Variants in DLG2 observed in about 807,000 individuals in gnomAD.
The protein encoded by DLG2 is disks large homolog 2.
DLG2 carries 45 observed loss-of-function variants against 132.5 expected under a neutral mutation model. The observed-to-expected ratio is 0.34, with a 90% confidence interval of 0.27 to 0.44. DLG2 has a LOEUF of 0.44. DLG2 is among the 20% of genes least tolerant of loss of function. The pLI is 1.00. For missense variants in DLG2, 1,045 were observed against 1,196.9 expected, an observed-to-expected ratio of 0.87 and a Z score of 1.87; for synonymous variants, 424 against 419.6, an observed-to-expected ratio of 1.01 and a Z score of -0.13.
intron 6 of DLG2, among the ~76,000 whole-genome samples, chr11:85,011,657 A>C (rs1006519734): frequency 8.5e-5 from 13 of 152,186 alleles, no homozygotes; most frequent in African/African-American, 2.9e-4. Context: ...AATTATTCTT[A>C]ATGATTTCCT....
chr11:83,503,705 C>T (rs2094563622), intron 21 of DLG2, among the ~76,000 whole-genome samples: 1 of 151,878 alleles, frequency 6.6e-6, no homozygotes, highest in Non-Finnish European at 1.5e-5. Context: ...TTAGATGGTA[C>T]CCACACAGAT....
At chr11:83,486,428 A>G (rs1211301563) in intron 21 of DLG2, among the ~76,000 whole-genome samples, 1 of 152,114 alleles carries the variant, frequency 6.6e-6, no homozygotes, top group African/African-American at 2.4e-5. Flanking sequence ...GAAAATGTAG[A>G]CAGAGAGGGA....
chr11:84,908,465 AG>A (rs1324294617), intron 6 of DLG2, among the ~76,000 whole-genome samples: 1 of 152,146 alleles, frequency 6.6e-6, no homozygotes, highest in Non-Finnish European at 1.5e-5. Context: ...TGTCTTCAGA[AG>A]CTGCTGGATA....
intron 6 of DLG2, among the ~76,000 whole-genome samples, chr11:85,016,953 G>T (rs1385608118): frequency 2.0e-5 from 3 of 152,086 alleles, no homozygotes; most frequent in African/African-American, 7.2e-5. Context: ...CAAACCTGTT[G>T]GTCAAATCTG....
At chr11:83,520,858 G>A (rs2095462048) in intron 21 of DLG2, among the ~76,000 whole-genome samples, 1 of 152,126 alleles carries the variant, frequency 6.6e-6, no homozygotes, top group Non-Finnish European at 1.5e-5. Context: ...CCTCTTACAT[G>A]TCCCACTTTA....
intron 6 of DLG2, among the ~76,000 whole-genome samples, chr11:84,880,057 ATACTAT>A (rs1203657378): frequency 1.3e-5 from 2 of 152,174 alleles, no homozygotes; most frequent in Admixed American, 6.6e-5. Context: ...CACAAGAATC[ATACTAT>A]TAATATGAAT....
chr11:85,102,131 T>G (rs564530511), intron 6 of DLG2, among the ~76,000 whole-genome samples: 21 of 151,994 alleles, frequency 1.4e-4, no homozygotes, highest in Non-Finnish European at 2.5e-4. Context: ...AAATTCATCA[T>G]TTTTACAGCT....
At chr11:84,157,711 A>G (rs1027236314) in intron 9 of DLG2, among the ~76,000 whole-genome samples, 1 of 152,234 alleles carries the variant, frequency 6.6e-6, no homozygotes, top group Non-Finnish European at 1.5e-5. Flanking sequence ...ACTTATCGTC[A>G]TAGTTTTTGT....
intron 25 of DLG2, among the ~76,000 whole-genome samples, chr11:83,468,591 C>G (rs1451444750): frequency 6.6e-6 from 1 of 152,134 alleles, no homozygotes; most frequent in Non-Finnish European, 1.5e-5. Context: ...ATATCTTCTC[C>G]TATGATACTG....
chr11:84,038,498 A>T (rs969731383), intron 11 of DLG2, among the ~76,000 whole-genome samples: 42 of 152,176 alleles, frequency 2.8e-4, no homozygotes, highest in Admixed American at 2.8e-3. Flanking sequence ...GTGTTTTTTT[A>T]AAAAAGTATT....
chr11:83,639,575 G>C (rs959288972), intron 18 of DLG2, among the ~76,000 whole-genome samples: 2 of 150,864 alleles, frequency 1.3e-5, no homozygotes, highest in East Asian at 3.9e-4. Flanking sequence ...CATGGACAGA[G>C]GAAGGGGAAC....
chr11:84,468,317 G>A lies in DLG2; in HGVS notation c.519+66253C>T, dbSNP rs117641810. Among the ~76,000 whole-genome samples, 213 of 151,500 alleles carry A rather than the reference G, an allele frequency of 1.4e-3. 3 individuals carry two copies. In the East Asian group the frequency reaches 0.04, roughly 29 times the overall value. Reference sequence around the variant, plus strand: ...CCCTTGACTTCCATGTGTGTTAATTGGATCTTGTTGGCTAGTTCTGAATTT... The same window carrying A: ...CCCTTGACTTCCATGTGTGTTAATTAGATCTTGTTGGCTAGTTCTGAATTT... On this transcript the variant is annotated intron_variant, in intron 7 of 27. Transcript: ENST00000376104.
At chr11:85,136,704 C>T (rs2076164339) in intron 5 of DLG2, among the ~76,000 whole-genome samples, 1 of 152,058 alleles carries the variant, frequency 6.6e-6, no homozygotes, top group African/African-American at 2.4e-5. Context: ...ACCTTAACCA[C>T]TTAAATCCAT....
At chr11:85,446,066 T>A (rs2091996015) in intron 3 of DLG2, among the ~76,000 whole-genome samples, 1 of 152,212 alleles carries the variant, frequency 6.6e-6, no homozygotes, top group Non-Finnish European at 1.5e-5. Context: ...CCTCTTTAAG[T>A]AAAAGAGCAA....
chr11:85,322,538 T>C (rs2081148728), intron 3 of DLG2, among the ~76,000 whole-genome samples: 1 of 152,170 alleles, frequency 6.6e-6, no homozygotes, highest in African/African-American at 2.4e-5. Flanking sequence ...TGTAGACTGT[T>C]CTCTCATTTT....
chr11:84,699,332 T>C (rs1273734093), intron 6 of DLG2, among the ~76,000 whole-genome samples: 1 of 151,576 alleles, frequency 6.6e-6, no homozygotes, highest in African/African-American at 2.4e-5. Flanking sequence ...AGAAATAATG[T>C]CGTTAAAGTG....
At chr11:85,090,510 T>A (rs186907222) in intron 6 of DLG2, among the ~76,000 whole-genome samples, 1 of 152,174 alleles carries the variant, frequency 6.6e-6, no homozygotes, top group African/African-American at 2.4e-5. Context: ...TTTTCACACA[T>A]CTGTACTTAG....
intron 11 of DLG2, among the ~76,000 whole-genome samples, chr11:84,056,131 T>A (rs747231364): frequency 1.3e-5 from 2 of 152,062 alleles, no homozygotes; most frequent in East Asian, 1.9e-4. Flanking sequence ...TAGATATACA[T>A]GTACCATGGT....
intron 14 of DLG2, among the ~76,000 whole-genome samples, chr11:83,946,006 T>TC (rs1565756210): frequency 1.5e-4 from 23 of 148,470 alleles, no homozygotes; most frequent in South Asian, 6.6e-4. Flanking sequence ...TTTTTTTTTT[T>TC]TTTGACAGAG....
Sources: allele counts gnomAD v4.1 joint callset (sites outside exome capture counted in the v4.1 genomes callset), GRCh38; gene constraint gnomAD v4.1.1; transcripts MANE v1.5; gene names NCBI Gene and HGNC (gene_info 2026-07-23, HGNC 2026-07-21).